Variants in FGF12 observed in about 807,000 individuals in gnomAD.
FGF12 encodes the protein fibroblast growth factor 12B.
Under a neutral mutation model 23.6 loss-of-function variants are expected in FGF12, and 14 were observed. That is an observed-to-expected ratio of 0.59 (90% CI 0.39 to 0.93). The LOEUF is 0.93. Ranked by LOEUF, FGF12 falls within the 40% of genes least tolerant of loss-of-function variation. The pLI, the probability that FGF12 is intolerant of heterozygous loss-of-function variation, is 0.00. For synonymous variants in FGF12, 62 were observed against 77.3 expected, an observed-to-expected ratio of 0.80 and a Z score of 1.04; for missense variants, 175 against 217.8, an observed-to-expected ratio of 0.80 and a Z score of 1.24.
chr3:192,695,501 A>C (rs771756032), intron 2 of FGF12, among the ~76,000 whole-genome samples: 3 of 152,212 alleles, frequency 2.0e-5, no homozygotes, highest in Non-Finnish European at 4.4e-5. Flanking sequence ...AAACTTTCCT[A>C]TCACCTACTC....
At chr3:192,207,451 G>T (rs1038367772) in intron 4 of FGF12, among the ~76,000 whole-genome samples, 1 of 152,196 alleles carries the variant, frequency 6.6e-6, no homozygotes, top group Non-Finnish European at 1.5e-5. Context: ...TTTGCAGAAG[G>T]AGGGATTCTT....
intron 4 of FGF12, among the ~76,000 whole-genome samples, chr3:192,251,628 T>C (rs1432057342): frequency 6.6e-6 from 1 of 151,884 alleles, no homozygotes. Context: ...AATTGTATTA[T>C]ATACAATACA....
rs1724526947 is a variant in FGF12 at position 192,512,846 on chromosome 3, AT to A, written c.14-152309del. On this transcript the variant is annotated intron_variant, in intron 2 of 5. Transcript: ENST00000445105. Reference sequence around the variant, plus strand: ...AGTATACTCAAATAAATATATATATATATATATATATATAACAGGCTATGTC... The same window carrying A: ...AGTATACTCAAATAAATATATATATAATATATATATATAACAGGCTATGTC... Among the ~76,000 whole-genome samples, 2 of 124,770 alleles carry A rather than the reference AT, an allele frequency of 1.6e-5. 1 individual carries two copies. Among genetic ancestry groups the A allele is most frequent in the Non-Finnish European group, 3.4e-5 (2 of 58,094 alleles). 81.9% of individuals were successfully genotyped at this position (124,770 alleles called of 152,430 possible).
chr3:192,533,979 T>C (rs921830093), intron 2 of FGF12: 5 of 152,348 alleles, frequency 3.3e-5, no homozygotes, highest in Non-Finnish European at 1.5e-5. Context: ...TGTGAATTTT[T>C]ATAAGATGAC....
Position 192,604,322 on chromosome 3 carries a change from T to G in FGF12, c.13+122859A>C, listed in dbSNP as rs192601383. Among the ~76,000 whole-genome samples, 215 of 152,322 alleles carry G rather than the reference T, an allele frequency of 1.4e-3. 1 individual carries two copies. Among genetic ancestry groups the G allele is most frequent in the Middle Eastern group, 3.4e-3 (1 of 294 alleles). ...TGAGGTGACGTACATCCTCAGCTTA[T>G]GAAGATAACAGGATTAAGAGATTAA... On this transcript the variant is annotated intron_variant, in intron 2 of 5. Transcript: ENST00000445105.
At chr3:192,579,131 T>C (rs1713031475) in intron 2 of FGF12, among the ~76,000 whole-genome samples, 1 of 152,232 alleles carries the variant, frequency 6.6e-6, no homozygotes, top group Non-Finnish European at 1.5e-5. Context: ...CAATGGTCTT[T>C]AAAATACAGG....
chr3:192,655,676 C>T (rs1369859740), intron 2 of FGF12, among the ~76,000 whole-genome samples: 2 of 152,076 alleles, frequency 1.3e-5, no homozygotes, highest in Non-Finnish European at 2.9e-5. Context: ...TTGATTAGGA[C>T]TATATTTTGA....
rs573653130 is a variant in FGF12, at chr3:192,646,770, G to A, written c.13+80411C>T. On this transcript the variant is annotated intron_variant, in intron 2 of 5. Transcript: ENST00000445105. ...GGTTCTCTTTTGCAGTGCTGAAAGTGTTCTGGAATTTGATAATGGTGGTAG... is the reference window on the plus strand; with the variant it reads ...GGTTCTCTTTTGCAGTGCTGAAAGTATTCTGGAATTTGATAATGGTGGTAG... Among the ~76,000 whole-genome samples the A allele has an allele frequency of 4.6e-5, 7 of 152,244 alleles. No individual in the cohort carries two copies. In the East Asian group the frequency reaches 1.4e-3, roughly 29 times the overall value.
intron 4 of FGF12, among the ~76,000 whole-genome samples, chr3:192,272,286 A>G (rs956953010): frequency 4.6e-5 from 7 of 152,284 alleles, no homozygotes; most frequent in African/African-American, 1.4e-4. Context: ...AGTAAGGCTC[A>G]TTTCGTTTCA....
chr3:192,380,429 G>A (rs1167762487), intron 2 of FGF12, among the ~76,000 whole-genome samples: 1 of 152,106 alleles, frequency 6.6e-6, no homozygotes, highest in Admixed American at 6.5e-5. Context: ...TCATTTGCCT[G>A]AATGAAAACA....
At chr3:192,589,010 C>G (rs1417801543) in intron 2 of FGF12, among the ~76,000 whole-genome samples, 1 of 151,898 alleles carries the variant, frequency 6.6e-6, no homozygotes, top group Non-Finnish European at 1.5e-5. Flanking sequence ...ACTGTATCAG[C>G]ATGGTCAAGA....
rs549111116 is a variant in FGF12, at chr3:192,336,756, C to T, written c.125-1292G>A. On this transcript the variant is annotated intron_variant, in intron 3 of 5. Coordinates refer to ENST00000445105, the MANE Select transcript of FGF12 (RefSeq NM_004113.6). This position sits in a 1 kb window ranked among gnomAD's most constrained non-coding sequence, Gnocchi z 4.3. ...TATTTAGGGATGCCTCTATTTTTCT[C>T]GGCTTCTCTCAACCTACAATAGTAA... Among the ~76,000 whole-genome samples the T allele has an allele frequency of 5.0e-4, 76 of 152,022 alleles. No homozygotes were observed. The highest frequency in any genetic ancestry group is 9.3e-4 in the Non-Finnish European group (63 of 67,960).
Position 192,572,890 on chromosome 3 carries a change from T to C in FGF12, c.13+154291A>G, listed in dbSNP as rs139226684. The stretch of plus-strand genomic sequence containing the variant: ...AGGAGCCATTTCATGGTCATCCTCA[T>C]AGTTTTTCCAACCGTTAGAATTACT... On this transcript the variant is annotated intron_variant, in intron 2 of 5. Coordinates refer to ENST00000445105, the MANE Select transcript of FGF12 (RefSeq NM_004113.6). 2.2e-4 allele frequency among the ~76,000 whole-genome samples: 34 copies of C among 152,278 alleles called. No homozygotes were observed. In the East Asian group the frequency reaches 6.6e-3, roughly 29 times the overall value.
intron 2 of FGF12, among the ~76,000 whole-genome samples, chr3:192,612,500 T>C (rs1421035190): frequency 6.6e-6 from 1 of 151,896 alleles, no homozygotes; most frequent in Non-Finnish European, 1.5e-5. Flanking sequence ...AATAGACAAA[T>C]GGCTACTAAA....
At chr3:192,267,954 G>A (rs966569918) in intron 4 of FGF12, among the ~76,000 whole-genome samples, 4 of 151,998 alleles carry the variant, frequency 2.6e-5, no homozygotes, top group Non-Finnish European at 1.5e-5. Flanking sequence ...TATTCTATAA[G>A]TTGCTTGACC....
At chr3:192,354,387 C>T (rs868851387) in intron 3 of FGF12, among the ~76,000 whole-genome samples, 1 of 151,232 alleles carries the variant, frequency 6.6e-6, no homozygotes, top group Non-Finnish European at 1.5e-5. Context: ...TAAATAAAGG[C>T]TTTTTAAATT....
chr3:192,485,444 G>A (rs911052899), intron 2 of FGF12, among the ~76,000 whole-genome samples: 3 of 152,098 alleles, frequency 2.0e-5, no homozygotes, highest in African/African-American at 4.8e-5. Flanking sequence ...GCAGGCATAC[G>A]TCTTTCAGAA....
At chr3:192,265,939 C>T (rs980882318) in intron 4 of FGF12, among the ~76,000 whole-genome samples, 1 of 152,012 alleles carries the variant, frequency 6.6e-6, no homozygotes. Flanking sequence ...TGCAAGCTTC[C>T]GTTTCCTTCT....
chr3:192,271,810 A>AAGAGGTAGAGAAGAGGT (rs1553788923), intron 4 of FGF12, among the ~76,000 whole-genome samples: 2 of 152,188 alleles, frequency 1.3e-5, no homozygotes, highest in Non-Finnish European at 2.9e-5. Context: ...TGTCCCAAGG[A>AAGAGGTAGAGAAGAGGT]AGAGGTAGAG....
Sources: gnomAD v4.1 joint callset for allele counts (sites outside exome capture counted in the v4.1 genomes callset) on GRCh38, gnomAD v4.1.1 for gene constraint, Gnocchi (gnomAD v3.1) non-coding constraint, MANE v1.5 for transcripts, NCBI Gene and HGNC (gene_info 2026-07-23, HGNC 2026-07-21) for gene names.